Variants in PSPH observed in about 807,000 individuals in gnomAD.
PSPH encodes the protein L-3-phosphoserine phosphatase.
In PSPH, 16 loss-of-function variants were observed where a neutral mutation model predicts 23.4. The observed-to-expected ratio is 0.68, with a 90% CI of 0.46 to 1.04. The LOEUF is 1.04. Among genes scored for constraint, PSPH ranks in the 50% least tolerant of loss-of-function variants. The pLI is 0.00. For missense variants in PSPH, 223 were observed against 273.7 expected (o/e 0.81, Z 1.31); for synonymous variants, 68 against 99.7 (o/e 0.68, Z 1.89).
At chr7:56,039,745 C>T (rs1377804357) in intron 1 of PSPH, among the ~76,000 whole-genome samples, 1 of 143,160 alleles carries the variant, frequency 7.0e-6, no homozygotes. Context: ...CACTGCACTC[C>T]ACCCTGGTGA....
At position 56,031,204 on chromosome 7, in the gene PSPH, C is replaced by T. The variant is rs541583679; in HGVS notation, c.-20+725G>A. ...CCGCAGTCTGGCCTGGGCGACAGAGCGAGACTCCGTCTCAAAAAAAAAAAA... is the reference window on the plus strand; with the variant it reads ...CCGCAGTCTGGCCTGGGCGACAGAGTGAGACTCCGTCTCAAAAAAAAAAAA... On this transcript the variant is annotated intron_variant, in intron 3 of 7. Transcript: ENST00000275605. Among the ~76,000 whole-genome samples the T allele has an allele frequency of 1.1e-3, 163 of 145,996 alleles. 4 individuals are homozygous for T. In the South Asian group the frequency reaches 0.032, roughly 28 times the overall value.
intron 3 of PSPH, among the ~76,000 whole-genome samples, chr7:56,027,584 T>C (rs950851826): frequency 4.0e-5 from 6 of 149,378 alleles, no homozygotes; most frequent in Non-Finnish European, 7.4e-5. Context: ...CTACTCAGGA[T>C]GCTGAGGCAG....
intron 1 of PSPH, among the ~76,000 whole-genome samples, chr7:56,044,411 G>A (rs373264360): frequency 2.6e-5 from 4 of 151,996 alleles, no homozygotes; most frequent in Non-Finnish European, 4.4e-5. Context: ...GAATGTAAAC[G>A]TTACCTACTC....
At chr7:56,019,800 GC>G (rs764264928) in intron 4 of PSPH, 66 bp from the exon 5 acceptor site, 11 of 1,598,332 alleles carry the variant, frequency 6.9e-6, no homozygotes, top group Non-Finnish European at 9.4e-6. Context: ...ATGCCTTACT[GC>G]CCCGGGTCTG....
Position 56,026,917 on chromosome 7 carries a change from A to C in PSPH, c.-20+5012T>G, listed in dbSNP as rs749226308. On this transcript the variant is annotated intron_variant, in intron 3 of 7. Transcript: ENST00000275605. ...GCTAAAGAACTTTTTAAGAAGGTAC[A>C]TGAGAAGGCCCGGCACGGTGGCTCA... is the stretch of plus-strand genomic sequence containing the variant. Among the ~76,000 whole-genome samples the C allele has an allele frequency of 3.3e-5, 5 of 152,170 alleles. 1 individual carries two copies. Among genetic ancestry groups the C allele is most frequent in the Admixed American group, 3.3e-4 (5 of 15,264 alleles).
intron 1 of PSPH, among the ~76,000 whole-genome samples, chr7:56,039,809 C>G (rs970140857): frequency 8.6e-6 from 1 of 116,270 alleles, no homozygotes; most frequent in African/African-American, 3.3e-5. Context: ...AAAAAAAAAA[C>G]AATATATGGC....
chr7:56,045,545 C>A (rs1316965188), intron 1 of PSPH, among the ~76,000 whole-genome samples: 1 of 152,068 alleles, frequency 6.6e-6, no homozygotes, highest in Non-Finnish European at 1.5e-5. Context: ...ACCCTACTTA[C>A]AAACTAATAC....
chr7:56,046,215 C>A (rs1394145105), intron 1 of PSPH, among the ~76,000 whole-genome samples: 1 of 152,130 alleles, frequency 6.6e-6, no homozygotes, highest in Non-Finnish European at 1.5e-5. Flanking sequence ...TGGCCCACTG[C>A]AACCTCTGCT....
At position 56,048,030 on chromosome 7, in the gene PSPH, G is replaced by A. The variant is rs558748276; in HGVS notation, c.-292+3108C>T. Among the ~76,000 whole-genome samples, 12 of 151,932 alleles carry A rather than the reference G, an allele frequency of 7.9e-5. 1 individual carries two copies. The highest frequency in any genetic ancestry group is 4.2e-4 in the South Asian group (2 of 4,764). ...GTGGTGGCTCATGCCTGTAATCCCG[G>A]CACTTTGGGAGGCCAAGGCAGGCAG... On this transcript the variant is annotated intron_variant, in intron 1 of 7. Coordinates refer to ENST00000275605, the MANE Select transcript of PSPH (RefSeq NM_004577.4).
intron 1 of PSPH, among the ~76,000 whole-genome samples, chr7:56,038,513 C>A (rs1792043817): frequency 6.6e-6 from 1 of 151,712 alleles, no homozygotes; most frequent in Non-Finnish European, 1.5e-5. Flanking sequence ...ACCCAGCAAT[C>A]CCACCTGAGG....
intron 1 of PSPH, among the ~76,000 whole-genome samples, chr7:56,049,627 C>T (rs1310342549): frequency 1.3e-5 from 2 of 151,818 alleles, no homozygotes; most frequent in Non-Finnish European, 2.9e-5. Flanking sequence ...TTAGTAGAGA[C>T]GGGTTTCACT....
intron 1 of PSPH, among the ~76,000 whole-genome samples, chr7:56,050,445 T>C (rs1465242754): frequency 6.6e-6 from 1 of 152,132 alleles, no homozygotes; most frequent in African/African-American, 2.4e-5. Flanking sequence ...TTTGTATTTG[T>C]TGTATAGATG....
intron 3 of PSPH, among the ~76,000 whole-genome samples, chr7:56,026,360 C>T (rs938795185): frequency 6.6e-6 from 1 of 151,116 alleles, no homozygotes; most frequent in African/African-American, 2.4e-5. Flanking sequence ...CCTGTAATCC[C>T]AGCTACTTGG....
intron 3 of PSPH, among the ~76,000 whole-genome samples, chr7:56,029,965 C>T (rs1344020805): frequency 5.4e-5 from 7 of 129,872 alleles, no homozygotes; most frequent in Middle Eastern, 4.7e-3. Context: ...GGCGACAGAG[C>T]GAGACTCCAT....
chr7:56,034,439 G>A (rs1476879239), intron 1 of PSPH, among the ~76,000 whole-genome samples: 1 of 152,222 alleles, frequency 6.6e-6, no homozygotes, highest in African/African-American at 2.4e-5. Flanking sequence ...ATCTCCGTCG[G>A]GGGGCCTCTT....
Position 56,040,839 on chromosome 7 carries a change from C to A in PSPH, c.-291-6733G>T, listed in dbSNP as rs560564519. Among the ~76,000 whole-genome samples the A allele has an allele frequency of 2.6e-5, 4 of 151,994 alleles. No homozygotes were observed. In the South Asian group the frequency reaches 8.3e-4, roughly 32 times the overall value. On this transcript the variant is annotated intron_variant, in intron 1 of 7. Coordinates refer to ENST00000275605, the MANE Select transcript of PSPH (RefSeq NM_004577.4). ...AAGATGAGCTGTTCATGACACAGTG[C>A]AAAAATGTGTTGTTTGAAACAAGCA... is the stretch of plus-strand genomic sequence containing the variant.
At chr7:56,020,894 C>T (rs1158626976) in intron 4 of PSPH, among the ~76,000 whole-genome samples, 179 bp downstream of exon 4, 1 of 152,212 alleles carries the variant, frequency 6.6e-6, no homozygotes, top group Non-Finnish European at 1.5e-5. Flanking sequence ...CATGTCTTAT[C>T]CATGTTTGTT....
In PSPH at chr7:56,021,609, G is replaced by GTTT. The variant is rs11412043; in HGVS notation, c.-19-381_-19-379dup. 4.8e-4 allele frequency among the ~76,000 whole-genome samples: 68 copies of GTTT among 142,674 alleles called. 1 individual carries two copies. The highest frequency in any genetic ancestry group is 4.2e-3 in the East Asian group (21 of 4,946). 93.6% of individuals were successfully genotyped at this position (142,674 alleles called of 152,430 possible). On this transcript the variant is annotated intron_variant, in intron 3 of 7. Transcript: ENST00000275605. Reference sequence around the variant, plus strand: ...TTTTCTTTTAGATATATATATAGTTGTTTTTTTTTTTTCTACCTAATTGTA... The same window carrying GTTT: ...TTTTCTTTTAGATATATATATAGTTGTTTTTTTTTTTTTTTCTACCTAATTGTA...
chr7:56,051,223 C>G lies in PSPH; in HGVS notation c.-377G>C, dbSNP rs912889658. The G allele has an allele frequency of 3.3e-5, 5 of 152,480 alleles. No individual in the cohort carries two copies. The highest frequency in any genetic ancestry group is 7.2e-5 in the African/African-American group (3 of 41,468). The allele number at this position is 152,480 out of a possible 1,614,324, so 9.4% of individuals were successfully genotyped here. A position where few individuals can be genotyped will look rare whatever the true frequency, so the allele number is the denominator to read the frequency against. On this transcript the variant is annotated 5_prime_UTR_variant, in exon 1 of 8. It removes an upstream start codon present in the reference 5' UTR. Coordinates refer to ENST00000275605, the MANE Select transcript of PSPH (RefSeq NM_004577.4). ...CCATAGGGGCCTCGGGCCTCAGCAG[C>G]ATCCAGAGCCCTACGGACGGGCAGG... is the stretch of plus-strand genomic sequence containing the variant.
Sources: gnomAD v4.1 joint callset for allele counts (sites outside exome capture counted in the v4.1 genomes callset) on GRCh38, gnomAD v4.1.1 for gene constraint, MANE v1.5 for transcripts, NCBI Gene and HGNC (gene_info 2026-07-23, HGNC 2026-07-21) for gene names.